KHDC4: variants seen among roughly 807,000 people sequenced by gnomAD.
The protein encoded by KHDC4 is KH domain containing 4, pre-mRNA splicing factor, also known as KH homology domain-containing protein 4.
A neutral mutation model predicts 74.5 loss-of-function variants in KHDC4; 19 were observed. The observed-to-expected ratio is 0.26, with a 90% CI of 0.18 to 0.37. The LOEUF is 0.37. KHDC4 is among the 10% of genes least tolerant of loss of function. KHDC4 has a pLI of 1.00. For synonymous variants in KHDC4, 253 were observed against 266.1 expected (o/e 0.95, Z 0.48); for missense variants, 632 against 754.1 (o/e 0.84, Z 1.90).
At chr1:155,930,032 C>T (rs41264987) in intron 2 of KHDC4, among the ~76,000 whole-genome samples, 192 bp from the exon 3 acceptor site, 1,600 of 152,316 alleles carry the variant, frequency 0.011, 10 homozygotes, top group Middle Eastern at 0.027. Flanking sequence ...CCTGCCTCAG[C>T]CTCCTGAGTA....
chr1:155,929,834 C>A lies in KHDC4; in HGVS notation c.262G>T (p.Ala88Ser). 1 of 1,569,120 alleles carries A rather than the reference C, an allele frequency of 6.4e-7. No homozygotes were observed. Among genetic ancestry groups the A allele is most frequent in the Non-Finnish European group, 8.6e-7 (1 of 1,161,618 alleles). The change falls in exon 3 of 14, where the codon GCT (alanine) becomes TCT (serine). Residue 88 changes from alanine to serine, a missense_variant. This residue lies in a region of KHDC4 where 233 missense variants were observed against 342.6 expected (regional missense o/e 0.68). Coordinates refer to ENST00000368321, the MANE Select transcript of KHDC4 (RefSeq NM_014949.4). ...TTGCTAGTTAGGCCTTTGCCAGGAG[C>A]CTGAAGCTAGAAAAAAGAGAAATTA... ...PTQNASEKLQAPGKGLTSNKS... is the reference protein window; with the variant it reads ...PTQNASEKLQSPGKGLTSNKS...
chr1:155,921,836 T>A lies in KHDC4; in HGVS notation c.1012+25A>T, dbSNP rs778797869. On this transcript the variant is annotated intron_variant, in intron 9 of 13. Transcript: ENST00000368321. ...CATAACTATCACTAGCAAAATATTT[T>A]TTAAACACTTCAAGATGTACACACC... 3 of 1,564,354 alleles carry A rather than the reference T, an allele frequency of 1.9e-6. No individual in the cohort carries two copies. In the Admixed American group the frequency reaches 5.2e-5, roughly 27 times the overall value.
chr1:155,921,720 C>T, intron 9 of KHDC4, 92 bp from the exon 10 acceptor site: 1 of 1,508,112 alleles, frequency 6.6e-7, no homozygotes, highest in Non-Finnish European at 9.0e-7. Context: ...AAGAAAAATA[C>T]TGAGGCATGA....
intron 2 of KHDC4, among the ~76,000 whole-genome samples, chr1:155,930,541 G>C (rs1023207035): frequency 6.6e-6 from 1 of 152,090 alleles, no homozygotes; most frequent in Non-Finnish European, 1.5e-5. Context: ...TCAGTTAGTT[G>C]GCTGTACATG....
At chr1:155,917,415 G>C (rs1673755867) in intron 11 of KHDC4, 84 bp downstream of exon 11, 2 of 1,155,546 alleles carry the variant, frequency 1.7e-6, no homozygotes, top group East Asian at 4.7e-5. Context: ...AGTACTGGGA[G>C]AATGATGTGA....
chr1:155,915,784 G>C, intron 13 of KHDC4, 89 bp downstream of exon 13: 1 of 812,574 alleles, frequency 1.2e-6, no homozygotes. Flanking sequence ...TGGGATTACA[G>C]GCGTGAGCCA....
intron 2 of KHDC4, among the ~76,000 whole-genome samples, chr1:155,931,715 C>A (rs972288078): frequency 9.9e-5 from 15 of 152,218 alleles, no homozygotes; most frequent in African/African-American, 3.6e-4. Flanking sequence ...AGGGGCCTAT[C>A]TCCCCAACCT....
intron 4 of KHDC4, 79 bp from the exon 5 acceptor site, chr1:155,927,235 T>C (rs988186429): frequency 1.3e-4 from 143 of 1,095,962 alleles, no homozygotes; most frequent in Non-Finnish European, 1.9e-4. Context: ...CAGATCTAAT[T>C]TGTAATGTTT....
At position 155,928,869 on chromosome 1, in the gene KHDC4, A is replaced by G. The variant is rs149841908; in HGVS notation, c.464+427T>C. ...CGGGAGGCTGAGGTAGGAGAATGGC[A>G]TGAACCCAGGAGGCAGAGTTTGAAG... On this transcript the variant is annotated intron_variant, in intron 4 of 13. Coordinates refer to ENST00000368321, the MANE Select transcript of KHDC4 (RefSeq NM_014949.4). Among the ~76,000 whole-genome samples, 252 of 150,310 alleles carry G rather than the reference A, an allele frequency of 1.7e-3. 1 individual carries two copies. The highest frequency in any genetic ancestry group is 5.9e-3 in the African/African-American group (241 of 40,882).
intron 2 of KHDC4, 147 bp downstream of exon 2, chr1:155,933,486 A>C: frequency 1.8e-6 from 1 of 548,220 alleles, no homozygotes; most frequent in Admixed American, 3.3e-5. Context: ...GGGTTTCACC[A>C]TGTTGGTCAG....
chr1:155,931,101 C>T lies in KHDC4; in HGVS notation c.256-1261G>A, dbSNP rs142019751. ...CTTTAGGAGGCTGAGGAGGGTGGAT[C>T]GCTTGAGCCCAAGAGTTTCAGACCA... On this transcript the variant is annotated intron_variant, in intron 2 of 13. Coordinates refer to ENST00000368321, the MANE Select transcript of KHDC4 (RefSeq NM_014949.4). 2.6e-5 allele frequency among the ~76,000 whole-genome samples: 4 copies of T among 152,028 alleles called. No individual in the cohort carries two copies. The East Asian group carries it at 5.8e-4, about 22-fold the overall frequency.
chr1:155,919,855 AT>A (rs1286651508), intron 10 of KHDC4: 18 of 239,962 alleles, frequency 7.5e-5, no homozygotes, highest in Non-Finnish European at 1.6e-4. Flanking sequence ...ATAAAATAAA[AT>A]AAATTTGACT....
In KHDC4 at chr1:155,929,865, A is replaced by G. The variant is rs1278844544; in HGVS notation, c.256-25T>C. The G allele has an allele frequency of 1.3e-5, 20 of 1,523,116 alleles. 1 individual carries two copies. Among genetic ancestry groups the G allele is most frequent in the Middle Eastern group, 1.8e-4 (1 of 5,674 alleles). The allele number at this position is 1,523,116 out of a possible 1,614,324, so 94.4% of individuals were successfully genotyped here. On this transcript the variant is annotated intron_variant, in intron 2 of 13. Transcript: ENST00000368321. ...GCTAGAAAAAAGAGAAATTAGATTA[A>G]AAAGTTTTTATGATGAGATAAAGTC...
At chr1:155,926,219 C>A in intron 6 of KHDC4, 1 of 399,056 alleles carries the variant, frequency 2.5e-6, no homozygotes, top group Admixed American at 3.3e-5. Context: ...TTCATTATAC[C>A]GTGGAGAGCT....
chr1:155,918,593 A>G (rs1323697863), intron 10 of KHDC4, among the ~76,000 whole-genome samples: 2 of 152,220 alleles, frequency 1.3e-5, no homozygotes, highest in Non-Finnish European at 2.9e-5. Context: ...GATATGGCCT[A>G]TTCTTCTAGG....
chr1:155,920,311 G>A (rs1329482814), intron 10 of KHDC4, among the ~76,000 whole-genome samples: 1 of 151,978 alleles, frequency 6.6e-6, no homozygotes, highest in African/African-American at 2.4e-5. Flanking sequence ...GGTGGTGGGT[G>A]CCTGTAGTCC....
rs1376287047 is a variant in KHDC4, at chr1:155,913,177, A to C, written c.*944T>G. The C allele has an allele frequency of 7.9e-5, 12 of 152,798 alleles. No homozygotes were observed. Among genetic ancestry groups the C allele is most frequent in the Admixed American group, 7.9e-4 (12 of 15,282 alleles). 9.5% of individuals were successfully genotyped at this position (152,798 alleles called of 1,614,324 possible). A position where few individuals can be genotyped will look rare whatever the true frequency, so the allele number is the denominator to read the frequency against. On this transcript the variant is annotated 3_prime_UTR_variant, in exon 14 of 14. Transcript: ENST00000368321. Reference sequence around the variant, plus strand: ...TGCAAAAATGACAGTTCAATATCTCAAACTATTCCTGGTTCAGCAGACTAG... The same window carrying C: ...TGCAAAAATGACAGTTCAATATCTCCAACTATTCCTGGTTCAGCAGACTAG...
At position 155,913,987 on chromosome 1, in the gene KHDC4, G is replaced by T; in HGVS notation, c.*134C>A. The stretch of plus-strand genomic sequence containing the variant: ...GTTGTTAAGGAACCCCTTTAAGAAA[G>T]GGGGGCACTGAATCTCTAACTTCTG... On this transcript the variant is annotated 3_prime_UTR_variant, in exon 14 of 14. Transcript: ENST00000368321. 1 of 693,014 alleles carries T rather than the reference G, an allele frequency of 1.4e-6. No individual in the cohort carries two copies. The allele number at this position is 693,014 out of a possible 1,614,324, so 42.9% of individuals were successfully genotyped here.
chr1:155,929,659 CTTT>C (rs1674101187), intron 3 of KHDC4, 50 bp downstream of exon 3: 1 of 1,581,096 alleles, frequency 6.3e-7, no homozygotes, highest in African/African-American at 1.4e-5. Flanking sequence ...TAGAGGTCTT[CTTT>C]ATCTGAATCC....
Sources: allele counts gnomAD v4.1 joint callset (sites outside exome capture counted in the v4.1 genomes callset), GRCh38; gene constraint gnomAD v4.1.1; regional missense constraint gnomAD v4.1.1; transcripts MANE v1.5; gene names NCBI Gene and HGNC (gene_info 2026-07-23, HGNC 2026-07-21).